RPTOR: variants seen among roughly 807,000 people sequenced by gnomAD.
RPTOR encodes regulatory-associated protein of mTOR.
A neutral mutation model predicts 169.9 loss-of-function variants in RPTOR; 21 were observed. The ratio of observed to expected loss-of-function variants is 0.12; its 90% CI spans 0.09 to 0.18. RPTOR has a LOEUF of 0.18. Among genes scored for constraint, RPTOR ranks in the 10% least tolerant of loss-of-function variants. The pLI is 1.00. For synonymous variants in RPTOR, 732 were observed against 753.2 expected (o/e 0.97, Z 0.46); for missense variants, 1,133 against 1,855.9 (o/e 0.61, Z 7.16).
chr17:80,947,191 C>G lies in RPTOR; in HGVS notation c.3141-36C>G. ...CACTGTCATTTGGGTTTGCAGTTTC[C>G]TAATGACTTTTTTATTCCTCTCTTC... On this transcript the variant is annotated intron_variant, in intron 26 of 33. Coordinates refer to ENST00000306801, the MANE Select transcript of RPTOR (RefSeq NM_020761.3). The surrounding 1 kb of genome is among the most constrained non-coding windows in gnomAD (Gnocchi z 4.4). 1 of 1,536,330 alleles carries G rather than the reference C, an allele frequency of 6.5e-7. No homozygotes were observed. Among genetic ancestry groups the G allele is most frequent in the Non-Finnish European group, 8.7e-7 (1 of 1,145,872 alleles).
In RPTOR at chr17:80,860,093, T is replaced by G; in HGVS notation, c.1509+2193T>G. ...TTCTGTGTGGCAGGTGAGGGGAGAG[T>G]GGACGGAGCTTAAGCCCCCGGGGCT... On this transcript the variant is annotated intron_variant, in intron 13 of 33. Transcript: ENST00000306801. This position sits in a 1 kb window ranked among gnomAD's most constrained non-coding sequence, Gnocchi z 5.8. 1.3e-5 allele frequency among the ~76,000 whole-genome samples: 2 copies of G among 151,554 alleles called. No homozygotes were observed. The highest frequency in any genetic ancestry group is 2.1e-4 in the South Asian group (1 of 4,806).
chr17:80,741,296 G>A (rs2066479891), intron 5 of RPTOR, among the ~76,000 whole-genome samples: 1 of 152,160 alleles, frequency 6.6e-6, no homozygotes, highest in Non-Finnish European at 1.5e-5. Context: ...CCGAGTGGAG[G>A]GTGGTGCTGG....
At chr17:80,884,118 T>A in intron 16 of RPTOR, 146 bp downstream of exon 16, 1 of 822,678 alleles carries the variant, frequency 1.2e-6, no homozygotes, top group Non-Finnish European at 1.9e-6. Context: ...CAGTGGGACC[T>A]TGGTGAGAAG....
intron 10 of RPTOR, among the ~76,000 whole-genome samples, chr17:80,842,699 A>T (rs1026087205): frequency 6.6e-6 from 1 of 152,152 alleles, no homozygotes; most frequent in African/African-American, 2.4e-5. Context: ...GGCTTTTGGT[A>T]TCCTGTTTTA....
intron 14 of RPTOR, 68 bp from the exon 15 acceptor site, chr17:80,883,351 G>A (rs959353016): frequency 1.5e-5 from 20 of 1,351,236 alleles, no homozygotes; most frequent in East Asian, 6.9e-5. Flanking sequence ...AAAGGATCAC[G>A]CTGTTGTACT....
intron 1 of RPTOR, among the ~76,000 whole-genome samples, chr17:80,570,861 TACAC>T (rs1179909648): frequency 3.3e-5 from 5 of 152,348 alleles, no homozygotes; most frequent in African/African-American, 9.6e-5. Flanking sequence ...CTTTCCAACT[TACAC>T]ACAGCATTAA....
chr17:80,813,472 T>C (rs1305386091), intron 7 of RPTOR, among the ~76,000 whole-genome samples: 1 of 152,208 alleles, frequency 6.6e-6, no homozygotes, highest in Non-Finnish European at 1.5e-5. Flanking sequence ...GCAGCGTTCA[T>C]TGAGAAGCTG....
chr17:80,904,113 C>T (rs1385258751), intron 20 of RPTOR, among the ~76,000 whole-genome samples: 3 of 152,236 alleles, frequency 2.0e-5, no homozygotes, highest in Non-Finnish European at 2.9e-5. Flanking sequence ...CTGTGGGCAG[C>T]TGCAGGGCCC....
chr17:80,896,981 C>G (rs2068414050), intron 20 of RPTOR, among the ~76,000 whole-genome samples: 1 of 152,188 alleles, frequency 6.6e-6, no homozygotes, highest in Non-Finnish European at 1.5e-5. Flanking sequence ...TGCCAGTGGG[C>G]TGGGCACGGT....
At chr17:80,962,048 G>A (rs558502569) in intron 31 of RPTOR, among the ~76,000 whole-genome samples, 2 of 152,262 alleles carry the variant, frequency 1.3e-5, no homozygotes, top group East Asian at 3.9e-4. Flanking sequence ...GCCTCAAAAG[G>A]GCCAGGCCAT....
At chr17:80,549,985 A>G (rs1194412005) in intron 1 of RPTOR, among the ~76,000 whole-genome samples, 3 of 152,226 alleles carry the variant, frequency 2.0e-5, no homozygotes, top group Non-Finnish European at 4.4e-5. Flanking sequence ...ACTCAGTTGC[A>G]TTGCTCTGTA....
intron 3 of RPTOR, among the ~76,000 whole-genome samples, chr17:80,675,503 C>A (rs905187801): frequency 6.6e-6 from 1 of 152,192 alleles, no homozygotes; most frequent in African/African-American, 2.4e-5. Flanking sequence ...TTCGGGTAAA[C>A]CTTGCTCTGC....
At chr17:80,696,726 C>T (rs1410045171) in intron 3 of RPTOR, among the ~76,000 whole-genome samples, 2 of 152,184 alleles carry the variant, frequency 1.3e-5, no homozygotes, top group African/African-American at 2.4e-5. Flanking sequence ...CGTTTGCAGG[C>T]GGGAGCACGT....
intron 23 of RPTOR, among the ~76,000 whole-genome samples, chr17:80,924,345 C>T (rs1050802114): frequency 3.9e-5 from 6 of 152,124 alleles, no homozygotes; most frequent in Non-Finnish European, 7.4e-5. Context: ...CACCCAGCTG[C>T]TCTGGGTGCT....
At chr17:80,606,917 GA>G (rs1384427887) in intron 1 of RPTOR, among the ~76,000 whole-genome samples, 2 of 152,170 alleles carry the variant, frequency 1.3e-5, no homozygotes, top group Non-Finnish European at 2.9e-5. Flanking sequence ...TTCCCTGGTT[GA>G]AATTCAACTT....
chr17:80,951,309 G>C (rs2069175160), intron 28 of RPTOR, among the ~76,000 whole-genome samples: 1 of 152,228 alleles, frequency 6.6e-6, no homozygotes, highest in South Asian at 2.1e-4. Context: ...GTCTCTCCGG[G>C]TCAGGATGGC....
At chr17:80,616,726 A>C (rs1237359923) in intron 1 of RPTOR, among the ~76,000 whole-genome samples, 1 of 152,080 alleles carries the variant, frequency 6.6e-6, no homozygotes, top group Non-Finnish European at 1.5e-5. Context: ...TTGAAGCAAT[A>C]GGCTTCACTT....
At chr17:80,744,339 ACAGCCCTGG>A (rs2066536477) in intron 5 of RPTOR, among the ~76,000 whole-genome samples, 1 of 124,140 alleles carries the variant, frequency 8.1e-6, no homozygotes, top group East Asian at 2.1e-4. Context: ...GGCTACTAGC[ACAGCCCTGG>A]CTACTAGCAC....
chr17:80,779,735 A>G (rs2066922606), intron 6 of RPTOR, among the ~76,000 whole-genome samples: 1 of 152,180 alleles, frequency 6.6e-6, no homozygotes, highest in South Asian at 2.1e-4. Context: ...GGACAGATTG[A>G]ACCAGCTCTT....
Sources: allele counts gnomAD v4.1 joint callset (sites outside exome capture counted in the v4.1 genomes callset), GRCh38; gene constraint gnomAD v4.1.1; non-coding constraint Gnocchi (gnomAD v3.1); transcripts MANE v1.5; gene names NCBI Gene and HGNC (gene_info 2026-07-23, HGNC 2026-07-21).